The following ARPC1A variants were observed in gnomAD, a reference collection of about 807,000 sequenced individuals.
ARPC1A encodes the protein actin related protein 2/3 complex subunit 1A, also known as actin-related protein 2/3 complex subunit 1A.
Under a neutral mutation model 46.9 loss-of-function variants are expected in ARPC1A, and 8 were observed. That is an observed-to-expected ratio of 0.17 (90% CI 0.10 to 0.31). The LOEUF (loss-of-function observed/expected upper bound fraction) is 0.31, where lower values mean the gene tolerates loss of function less well. ARPC1A is among the 10% of genes least tolerant of loss of function. ARPC1A has a pLI of 1.00. For missense variants in ARPC1A, 286 were observed against 483.6 expected (o/e 0.59, Z 3.83); for synonymous variants, 152 against 169.0 (o/e 0.90, Z 0.78).
chr7:99,330,680 C>G (rs140750826), intron 1 of ARPC1A, among the ~76,000 whole-genome samples: 2,772 of 152,320 alleles, frequency 0.018, 34 homozygotes, highest in Middle Eastern at 0.082. Flanking sequence ...GCTTTGTCAG[C>G]TGAACTTTCA....
Position 99,326,010 on chromosome 7 carries a change from G to C in ARPC1A, c.-30+6G>C, listed in dbSNP as rs1429949095. The C allele has an allele frequency of 1.3e-5, 2 of 152,396 alleles. No individual in the cohort carries two copies. The highest frequency in any genetic ancestry group is 2.9e-5 in the Non-Finnish European group (2 of 68,062). The allele number at this position is 152,396 out of a possible 1,614,324, so 9.4% of individuals were successfully genotyped here. On this transcript the variant is annotated splice_donor_region_variant and intron_variant, in intron 1 of 9. Transcript: ENST00000262942. ...CCGGACTCCCCCGATCCCAGGTAAC[G>C]GCCAGCAGGGGCGAGCGTCTCACCC...
rs1793036502 is a variant in ARPC1A at position 99,325,971 on chromosome 7, C to G, written c.-63C>G. 3 of 152,544 alleles carry G rather than the reference C, an allele frequency of 2.0e-5. No homozygotes were observed. The highest frequency in any genetic ancestry group is 2.0e-4 in the Admixed American group (3 of 15,284). The allele number at this position is 152,544 out of a possible 1,614,324, so 9.4% of individuals were successfully genotyped here. ...GACTGCCCAGAGTCCGCGAATCCTCCGCTCCGAGCCCGTCCGGACTCCCCC... is the reference window on the plus strand; with the variant it reads ...GACTGCCCAGAGTCCGCGAATCCTCGGCTCCGAGCCCGTCCGGACTCCCCC... On this transcript the variant is annotated 5_prime_UTR_variant, in exon 1 of 10. Transcript: ENST00000262942.
At chr7:99,362,308 T>TA (rs1253566141) in intron 8 of ARPC1A, among the ~76,000 whole-genome samples, 33 of 145,258 alleles carry the variant, frequency 2.3e-4, no homozygotes, top group African/African-American at 8.2e-4. Flanking sequence ...AATAAATAAA[T>TA]AAAATAAAAA....
chr7:99,330,213 G>C (rs1793123229), intron 1 of ARPC1A, among the ~76,000 whole-genome samples: 1 of 152,088 alleles, frequency 6.6e-6, no homozygotes. Context: ...TTCACTCTTA[G>C]AATAGAATAT....
At chr7:99,334,515 C>A (rs188046603) in intron 2 of ARPC1A, among the ~76,000 whole-genome samples, 2 of 152,278 alleles carry the variant, frequency 1.3e-5, no homozygotes, top group East Asian at 3.9e-4. Flanking sequence ...AGGATCACAA[C>A]AATGTGTGCC....
At position 99,363,558 on chromosome 7, in the gene ARPC1A, T is replaced by G; in HGVS notation, c.999T>G (p.Tyr333Ter). The G allele has an allele frequency of 6.2e-7, 1 of 1,613,240 alleles. No individual in the cohort carries two copies. ...TTTTTTTCAGTCAAGTCTCTATTTATGAGGTGGACAAGCAAGATTGTCGCA... is the reference window on the plus strand; with the variant it reads ...TTTTTTTCAGTCAAGTCTCTATTTAGGAGGTGGACAAGCAAGATTGTCGCA... ...HQNSITQVSI[Y>*]EVDKQDCRKF... Residue 333 changes from tyrosine to a stop codon, truncating the protein, a stop_gained, in exon 9 of 10, where the codon TAT (tyrosine) becomes TAG (stop). Transcript: ENST00000262942. LOFTEE classifies it high-confidence loss of function.
At chr7:99,349,029 CTCTT>C in intron 5 of ARPC1A, 70 bp downstream of exon 5, 2 of 1,444,108 alleles carry the variant, frequency 1.4e-6, no homozygotes, top group Non-Finnish European at 1.9e-6. Context: ...ATTTTAGGTT[CTCTT>C]TCTTTGTTTT....
At chr7:99,338,941 A>G (rs1316461437) in intron 3 of ARPC1A, among the ~76,000 whole-genome samples, 1 of 152,206 alleles carries the variant, frequency 6.6e-6, no homozygotes, top group Admixed American at 6.5e-5. Flanking sequence ...AGTGTCTTCC[A>G]AAAGTTTCCT....
chr7:99,353,113 T>TTTATG (rs201492356), intron 5 of ARPC1A, among the ~76,000 whole-genome samples: 14,002 of 136,608 alleles, frequency 0.1, 835 homozygotes, highest in East Asian at 0.14. Context: ...TTTAGTTTAG[T>TTTATG]TTATGTTATG....
intron 7 of ARPC1A, 121 bp downstream of exon 7, chr7:99,358,536 CTTT>C (rs5886103): frequency 0.034 from 10,833 of 315,728 alleles, 3 homozygotes; most frequent in South Asian, 0.07. Flanking sequence ...ACAGAGCTCA[CTTT>C]TTTTTTTTTT....
In ARPC1A at chr7:99,359,681, G is replaced by A. The variant is rs1793707144; in HGVS notation, c.926G>A (p.Arg309Lys). ...AMERFRNMDK[R>K]ATTEDRNTAL... is the part of the protein sequence containing the mutation. ...GAACGCTTCCGCAACATGGACAAGA[G>A]AGCCACAACTGAGGACCGCAACACG... Residue 309 changes from arginine (R) to lysine (K), a missense_variant, in exon 8 of 10, where the codon AGA becomes AAA. Physicochemically the swap from Arg to Lys is conservative, Grantham distance 26. Coordinates refer to ENST00000262942, the MANE Select transcript of ARPC1A (RefSeq NM_006409.4). The A allele has an allele frequency of 2.5e-6, 4 of 1,614,174 alleles. No individual in the cohort carries two copies. Among genetic ancestry groups the A allele is most frequent in the Non-Finnish European group, 3.4e-6 (4 of 1,180,042 alleles).
intron 2 of ARPC1A, among the ~76,000 whole-genome samples, 178 bp from the exon 3 acceptor site, chr7:99,338,003 G>A (rs1244495951): frequency 6.6e-6 from 1 of 152,038 alleles, no homozygotes; most frequent in East Asian, 1.9e-4. Flanking sequence ...ATAAAATACA[G>A]GGTCCAAGTA....
intron 9 of ARPC1A, among the ~76,000 whole-genome samples, chr7:99,364,219 T>C (rs1793789159): frequency 6.6e-6 from 1 of 151,368 alleles, no homozygotes; most frequent in Non-Finnish European, 1.5e-5. Flanking sequence ...CCTCCCAAAG[T>C]GGTGGGATTA....
At chr7:99,357,684 T>C (rs954433069) in intron 6 of ARPC1A, among the ~76,000 whole-genome samples, 1 of 152,140 alleles carries the variant, frequency 6.6e-6, no homozygotes, top group Non-Finnish European at 1.5e-5. Flanking sequence ...TCCTAACTCA[T>C]CAGCCAGTGT....
At position 99,338,189 on chromosome 7, in the gene ARPC1A, C is replaced by T; in HGVS notation, c.73C>T (p.Leu25Phe). 1.2e-6 allele frequency: 2 copies of T among 1,611,064 alleles called. No homozygotes were observed. Among genetic ancestry groups the T allele is most frequent in the Non-Finnish European group, 8.5e-7 (1 of 1,177,718 alleles). ...TTGACTTGTGTCTCCAGAGATTGCCCTCAGTCCCAATAATCACGAAGTGCA... is the reference window on the plus strand; with the variant it reads ...TTGACTTGTGTCTCCAGAGATTGCCTTCAGTCCCAATAATCACGAAGTGCA... ...AWNRDRTQIA[L>F]SPNNHEVHIY... The change falls in exon 3 of 10, where the codon CTC becomes TTC. Residue 25 changes from leucine (L) to phenylalanine (F), a missense_variant. Coordinates refer to ENST00000262942, the MANE Select transcript of ARPC1A (RefSeq NM_006409.4).
intron 3 of ARPC1A, among the ~76,000 whole-genome samples, chr7:99,343,896 A>G (rs745841530): frequency 2.6e-5 from 4 of 152,220 alleles, no homozygotes; most frequent in Non-Finnish European, 5.9e-5. Flanking sequence ...GGTTAATATC[A>G]TAGAATGAGG....
chr7:99,345,833 AAAG>A (rs950200208), intron 4 of ARPC1A, among the ~76,000 whole-genome samples: 2 of 152,148 alleles, frequency 1.3e-5, no homozygotes, highest in Non-Finnish European at 2.9e-5. Context: ...GCTGAAATTG[AAAG>A]AAGGGGATTA....
At chr7:99,343,937 C>T (rs1302964488) in intron 3 of ARPC1A, among the ~76,000 whole-genome samples, 1 of 152,018 alleles carries the variant, frequency 6.6e-6, no homozygotes, top group Non-Finnish European at 1.5e-5. Context: ...TTTTCACACA[C>T]ACAAAAATCT....
At chr7:99,327,304 A>G (rs182243515) in intron 1 of ARPC1A, among the ~76,000 whole-genome samples, 1 of 141,846 alleles carries the variant, frequency 7.0e-6, no homozygotes, top group East Asian at 2.1e-4. Context: ...GCTAATTTTC[A>G]TTTATTTTTA....
Sources: gnomAD v4.1 joint callset for allele counts (sites outside exome capture counted in the v4.1 genomes callset) on GRCh38, gnomAD v4.1.1 for gene constraint, MANE v1.5 for transcripts, NCBI Gene and HGNC (gene_info 2026-07-23, HGNC 2026-07-21) for gene names.